Variants in RHOBTB2 observed in about 807,000 individuals in gnomAD.
RHOBTB2 encodes rho-related BTB domain-containing protein 2.
RHOBTB2 carries 39 observed loss-of-function variants against 66.5 expected under a neutral mutation model. The ratio of observed to expected loss-of-function variants is 0.59; its 90% CI spans 0.45 to 0.77. The LOEUF is 0.77. RHOBTB2 is among the 30% of genes least tolerant of loss of function. RHOBTB2 has a pLI of 0.00. For synonymous variants in RHOBTB2, 390 were observed against 395.0 expected (o/e 0.99, Z 0.15); for missense variants, 755 against 999.1 (o/e 0.76, Z 3.29).
rs1197785854 is a variant in RHOBTB2, at chr8:23,007,127, CCTGTTCCTCATGGA to C, written c.884_897del (p.Leu295ProfsTer3). On this transcript the variant is annotated frameshift_variant, in exon 5 of 10. Transcript: ENST00000251822. LOFTEE classifies it high-confidence loss of function. ...CCACCTCTTCCTCCAAGTTCTATGA[CCTGTTCCTCATGGA>C]CCTGAGTGAGGGGGAGCTGGGGGGC... is the stretch of plus-strand genomic sequence containing the variant. 6.2e-7 allele frequency: 1 copy of C among 1,609,482 alleles called. No individual in the cohort carries two copies. The highest frequency in any genetic ancestry group is 1.3e-5 in the African/African-American group (1 of 74,942).
At chr8:23,015,548 G>C (rs575346925) in intron 8 of RHOBTB2, 90 bp from the exon 9 acceptor site, 1 of 871,776 alleles carries the variant, frequency 1.1e-6, no homozygotes, top group East Asian at 2.6e-5. Context: ...CCCTGCACCA[G>C]AGCTTCAGCT....
intron 1 of RHOBTB2, among the ~76,000 whole-genome samples, chr8:23,003,288 C>A (rs1268579261): frequency 6.6e-6 from 1 of 152,262 alleles, no homozygotes; most frequent in Non-Finnish European, 1.5e-5. Context: ...AACATGACAT[C>A]TGACTACAGA....
In RHOBTB2 at chr8:23,007,502, T is replaced by C. The variant is rs1221644730; in HGVS notation, c.1257T>C (p.Ser419=). ...TGATGGTGGTGGTGAAGATGGACAGTTCCATCCAGCCGGGGCCCTTCCGGG... is the reference window on the plus strand; with the variant it reads ...TGATGGTGGTGGTGAAGATGGACAGCTCCATCCAGCCGGGGCCCTTCCGGG... ...SRLMVVVKMD[S]SIQPGPFRAV... Residue 419 remains serine, a synonymous_variant, in exon 5 of 10, where the codon AGT becomes AGC. Transcript: ENST00000251822. 3 of 1,613,710 alleles carry C rather than the reference T, an allele frequency of 1.9e-6. No individual in the cohort carries two copies. Among genetic ancestry groups the C allele is most frequent in the Non-Finnish European group, 1.7e-6 (2 of 1,179,900 alleles).
At chr8:22,957,491 T>G in the RHOBTB2 span, among the ~76,000 whole-genome samples, 1 of 152,204 alleles carries the variant, frequency 6.6e-6, no homozygotes, top group African/African-American at 2.4e-5. Context: ...AAAGGGCACT[T>G]GCTGCCCCTT....
intron 1 of RHOBTB2, among the ~76,000 whole-genome samples, chr8:22,989,981 T>A (rs2128796221): frequency 6.6e-6 from 1 of 152,298 alleles, no homozygotes; most frequent in East Asian, 1.9e-4. Flanking sequence ...TTCCTCCATC[T>A]CATAGGATTG....
the RHOBTB2 span, among the ~76,000 whole-genome samples, chr8:22,962,256 GAAA>G: frequency 3.8e-4 from 43 of 114,630 alleles, no homozygotes; most frequent in African/African-American, 1.3e-3. Context: ...AAATTAAAAT[GAAA>G]AAAAAAAAAA....
the RHOBTB2 span, among the ~76,000 whole-genome samples, chr8:22,974,274 T>C: frequency 6.6e-6 from 1 of 152,188 alleles, no homozygotes; most frequent in Non-Finnish European, 1.5e-5. Flanking sequence ...AGAACTGGGC[T>C]CCCGTCACCC....
chr8:22,952,740 T>C, the RHOBTB2 span, among the ~76,000 whole-genome samples: 1 of 152,116 alleles, frequency 6.6e-6, no homozygotes, highest in Admixed American at 6.5e-5. Flanking sequence ...AGCCCATCTC[T>C]ATTAAATATG....
At chr8:22,996,195 T>C (rs1212419748), upstream of RHOBTB2, among the ~76,000 whole-genome samples, 1 of 152,142 alleles carries the variant, frequency 6.6e-6, no homozygotes, top group Non-Finnish European at 1.5e-5. Context: ...AGGGGGTGCC[T>C]TCTGGGGACA....
At chr8:22,994,788 G>C, upstream of RHOBTB2, 1 of 643,002 alleles carries the variant, frequency 1.6e-6, no homozygotes, top group Non-Finnish European at 2.7e-6. Flanking sequence ...TTTTGAGACA[G>C]AGTCTCACTC....
At chr8:22,974,436 G>A in the RHOBTB2 span, among the ~76,000 whole-genome samples, 30 of 152,342 alleles carry the variant, frequency 2.0e-4, no homozygotes, top group African/African-American at 5.5e-4. Flanking sequence ...TCTTTGTGCC[G>A]TTTTTAGTGT....
the RHOBTB2 span, among the ~76,000 whole-genome samples, chr8:22,950,822 GCTT>G: frequency 6.6e-6 from 1 of 152,136 alleles, no homozygotes. Flanking sequence ...TGTGTTGTCT[GCTT>G]CTTACTGTAC....
chr8:22,966,813 A>G, the RHOBTB2 span, among the ~76,000 whole-genome samples: 1 of 152,180 alleles, frequency 6.6e-6, no homozygotes, highest in African/African-American at 2.4e-5. Flanking sequence ...GGAGCTCATA[A>G]TAAGTACGCA....
Position 23,008,069 on chromosome 8 carries a change from T to C in RHOBTB2, c.1578T>C (p.Ala526=). Residue 526 remains alanine (A), a synonymous_variant, in exon 6 of 10, where the codon GCT becomes GCC. Transcript: ENST00000251822. ...TGATTTCCAGCTGTGACTGGATGGC[T>C]GCCATGTTTGGGGGGCCATTTGTGG... ...PLLISSCDWM[A]AMFGGPFVES... 1 of 1,613,156 alleles carries C rather than the reference T, an allele frequency of 6.2e-7. No individual in the cohort carries two copies. Among genetic ancestry groups the C allele is most frequent in the Non-Finnish European group, 8.5e-7 (1 of 1,179,762 alleles).
Position 23,005,354 on chromosome 8 carries a change from C to T in RHOBTB2, c.193-18C>T. 1 of 1,598,580 alleles carries T rather than the reference C, an allele frequency of 6.3e-7. No individual in the cohort carries two copies. The highest frequency in any genetic ancestry group is 8.6e-7 in the Non-Finnish European group (1 of 1,166,326). On this transcript the variant is annotated intron_variant, in intron 2 of 9. Coordinates refer to ENST00000251822, the MANE Select transcript of RHOBTB2 (RefSeq NM_015178.3). ...AAAACTGCTGCCTTCGAGTCCCACT[C>T]TTCCTCCCCGTCCCCAGGTGCTGGA...
chr8:22,953,591 G>C, the RHOBTB2 span, among the ~76,000 whole-genome samples: 1 of 152,196 alleles, frequency 6.6e-6, no homozygotes, highest in Admixed American at 6.5e-5. Flanking sequence ...CATGTGGTTA[G>C]TTCCTCCTTT....
chr8:22,986,687 G>T (rs527604751), upstream of RHOBTB2, among the ~76,000 whole-genome samples: 3 of 152,260 alleles, frequency 2.0e-5, no homozygotes, highest in South Asian at 4.1e-4. Flanking sequence ...TGACATGGAG[G>T]CATGATCACC....
chr8:22,997,914 T>C (rs1451305978), upstream of RHOBTB2, among the ~76,000 whole-genome samples: 3 of 152,220 alleles, frequency 2.0e-5, no homozygotes, highest in Admixed American at 6.5e-5. Context: ...GCCAAACATG[T>C]GGAGGAAGAA....
At chr8:23,013,910 C>T (rs992646509) in intron 7 of RHOBTB2, among the ~76,000 whole-genome samples, 1 of 152,222 alleles carries the variant, frequency 6.6e-6, no homozygotes, top group Admixed American at 6.5e-5. Flanking sequence ...TTTGGCTTGA[C>T]TCCAGAGTCT....
Sources: gnomAD v4.1 joint callset for allele counts (sites outside exome capture counted in the v4.1 genomes callset) on GRCh38, gnomAD v4.1.1 for gene constraint, MANE v1.5 for transcripts, NCBI Gene and HGNC (gene_info 2026-07-23, HGNC 2026-07-21) for gene names.